MDGA2: variants seen among roughly 807,000 people sequenced by gnomAD.
MDGA2 encodes the protein MAM domain-containing glycosylphosphatidylinositol anchor protein 2.
A neutral mutation model predicts 117.8 loss-of-function variants in MDGA2; 40 were observed. The observed-to-expected ratio is 0.34, with a 90% confidence interval of 0.26 to 0.44. MDGA2 has a LOEUF of 0.44. MDGA2 is among the 20% of genes least tolerant of loss of function. The pLI is 1.00. For synonymous variants in MDGA2, 452 were observed against 439.0 expected, an observed-to-expected ratio of 1.03 and a Z score of -0.37; for missense variants, 1,123 against 1,250.6, an observed-to-expected ratio of 0.90 and a Z score of 1.54.
At chr14:46,959,249 ATATGTGTG>A (rs1280867063) in intron 8 of MDGA2, among the ~76,000 whole-genome samples, 9 of 65,186 alleles carry the variant, frequency 1.4e-4, no homozygotes, top group African/African-American at 1.6e-4. Context: ...GCAATGCTAT[ATATGTGTG>A]TGTGTGTGTG....
chr14:47,536,874 C>G (rs527453111), intron 1 of MDGA2, among the ~76,000 whole-genome samples: 16 of 152,256 alleles, frequency 1.1e-4, no homozygotes, highest in South Asian at 6.2e-4. Flanking sequence ...TTCCATATAG[C>G]CTTGCCATCA....
chr14:47,222,747 A>G (rs1411642696), intron 2 of MDGA2, among the ~76,000 whole-genome samples: 1 of 152,224 alleles, frequency 6.6e-6, no homozygotes. Context: ...CATGCTATTG[A>G]AACTTAGTTC....
At chr14:47,434,425 T>C (rs1470011749) in intron 1 of MDGA2, among the ~76,000 whole-genome samples, 2 of 152,116 alleles carry the variant, frequency 1.3e-5, no homozygotes, top group Non-Finnish European at 2.9e-5. Flanking sequence ...TGAAACTTTG[T>C]CTTTTGAGTT....
intron 1 of MDGA2, among the ~76,000 whole-genome samples, chr14:47,405,976 C>T (rs760892449): frequency 2.6e-5 from 4 of 152,094 alleles, no homozygotes; most frequent in Non-Finnish European, 4.4e-5. Flanking sequence ...CAATCATTTT[C>T]AGTATAACTA....
At chr14:46,980,503 TGGCAG>T (rs1197974233) in intron 8 of MDGA2, among the ~76,000 whole-genome samples, 1 of 152,228 alleles carries the variant, frequency 6.6e-6, no homozygotes, top group Non-Finnish European at 1.5e-5. Flanking sequence ...GATAAAGCAG[TGGCAG>T]GGTTTGAGAG....
At chr14:47,104,643 C>T (rs976309004) in intron 5 of MDGA2, among the ~76,000 whole-genome samples, 8 of 152,046 alleles carry the variant, frequency 5.3e-5, no homozygotes, top group African/African-American at 7.2e-5. Context: ...TCACACAAAG[C>T]CTGTTTGGTG....
At chr14:47,629,870 C>T (rs1897221191) in intron 1 of MDGA2, among the ~76,000 whole-genome samples, 1 of 152,068 alleles carries the variant, frequency 6.6e-6, no homozygotes, top group Non-Finnish European at 1.5e-5. Flanking sequence ...CACAAATCAC[C>T]CAAAGGATCT....
chr14:47,062,378 CTG>C (rs1188170415), intron 6 of MDGA2, among the ~76,000 whole-genome samples: 1 of 152,000 alleles, frequency 6.6e-6, no homozygotes, highest in Non-Finnish European at 1.5e-5. Context: ...TACCAAAAGG[CTG>C]CCAAGGGAGC....
chr14:47,007,919 T>C lies in MDGA2; in HGVS notation c.1819+27092A>G, dbSNP rs143961884. 3.4e-3 allele frequency among the ~76,000 whole-genome samples: 524 copies of C among 151,948 alleles called. 4 individuals are homozygous for C. Among genetic ancestry groups the C allele is most frequent in the African/African-American group, 0.012 (490 of 41,534 alleles). Reference sequence around the variant, plus strand: ...CAAGTATATTCATTTCCAATTATGATCTAAGAAAATAAAATGAGCACAGAG... The same window carrying C: ...CAAGTATATTCATTTCCAATTATGACCTAAGAAAATAAAATGAGCACAGAG... On this transcript the variant is annotated intron_variant, in intron 8 of 16. Coordinates refer to ENST00000399232, the MANE Select transcript of MDGA2 (RefSeq NM_001113498.3).
intron 1 of MDGA2, among the ~76,000 whole-genome samples, chr14:47,381,737 C>T (rs185549972): frequency 5.3e-4 from 81 of 152,302 alleles, no homozygotes; most frequent in African/African-American, 1.6e-3. Context: ...GAAGAACATT[C>T]CATGCTCATG....
chr14:47,656,231 A>G (rs1035084527), intron 1 of MDGA2, among the ~76,000 whole-genome samples: 2 of 152,192 alleles, frequency 1.3e-5, no homozygotes, highest in African/African-American at 4.8e-5. Context: ...GAGCACAAGT[A>G]GACAGAGAAA....
At chr14:46,995,758 T>C (rs1333174235) in intron 8 of MDGA2, among the ~76,000 whole-genome samples, 1 of 152,006 alleles carries the variant, frequency 6.6e-6, no homozygotes, top group Non-Finnish European at 1.5e-5. Flanking sequence ...AATTATCAAA[T>C]GTTTGTAATA....
chr14:47,658,959 C>G (rs995034742), intron 1 of MDGA2, among the ~76,000 whole-genome samples: 3 of 152,156 alleles, frequency 2.0e-5, no homozygotes, highest in African/African-American at 7.2e-5. Flanking sequence ...TCCCAGGCTC[C>G]CTTCTTCCCT....
intron 1 of MDGA2, among the ~76,000 whole-genome samples, chr14:47,595,118 G>A (rs1426558468): frequency 6.6e-6 from 1 of 151,816 alleles, no homozygotes; most frequent in Non-Finnish European, 1.5e-5. Flanking sequence ...ATCCCCGAAA[G>A]AGACTAACAA....
chr14:47,131,048 T>A (rs1217073126), intron 5 of MDGA2, among the ~76,000 whole-genome samples: 1 of 151,902 alleles, frequency 6.6e-6, no homozygotes, highest in East Asian at 1.9e-4. Flanking sequence ...TATATTGATA[T>A]GAAAAATTGG....
intron 9 of MDGA2, among the ~76,000 whole-genome samples, chr14:46,933,133 T>A (rs1884641708): frequency 6.6e-6 from 1 of 152,044 alleles, no homozygotes; most frequent in Admixed American, 6.6e-5. Context: ...CCACACATAC[T>A]CCACATCAGT....
intron 1 of MDGA2, among the ~76,000 whole-genome samples, chr14:47,501,181 G>A (rs1395999463): frequency 6.6e-6 from 1 of 152,112 alleles, no homozygotes; most frequent in Non-Finnish European, 1.5e-5. Flanking sequence ...AGAGATGATA[G>A]TAGAATGGGT....
intron 1 of MDGA2, among the ~76,000 whole-genome samples, chr14:47,561,179 G>GTTTTTTT (rs1299123339): frequency 2.8e-5 from 2 of 71,622 alleles, no homozygotes; most frequent in African/African-American, 9.4e-5. Context: ...TTGTTTGTTT[G>GTTTTTTT]TTTTTTTTTG....
intron 1 of MDGA2, among the ~76,000 whole-genome samples, chr14:47,391,962 A>T (rs1307483066): frequency 6.6e-6 from 1 of 152,170 alleles, no homozygotes; most frequent in Middle Eastern, 3.2e-3. Flanking sequence ...TAGAGGGCTA[A>T]AGGAGACGAC....
Sources: allele counts gnomAD v4.1 joint callset (sites outside exome capture counted in the v4.1 genomes callset), GRCh38; gene constraint gnomAD v4.1.1; transcripts MANE v1.5; gene names NCBI Gene and HGNC (gene_info 2026-07-23, HGNC 2026-07-21).